FARP1: variants seen among roughly 807,000 people sequenced by gnomAD.
FARP1 encodes FERM, ARHGEF and pleckstrin domain-containing protein 1.
FARP1 carries 52 observed loss-of-function variants against 128.8 expected under a neutral mutation model. The ratio of observed to expected loss-of-function variants is 0.40; its 90% confidence interval spans 0.32 to 0.51. The LOEUF is 0.51. FARP1 is among the 20% of genes least tolerant of loss of function. FARP1 has a pLI of 0.45. For missense variants in FARP1, 1,333 were observed against 1,367.9 expected (o/e 0.97, Z 0.40); for synonymous variants, 580 against 551.8 (o/e 1.05, Z -0.72).
At position 98,377,574 on chromosome 13, in the gene FARP1, A is replaced by G. The variant is rs112011983; in HGVS notation, c.399-247A>G. On this transcript the variant is annotated intron_variant, in intron 5 of 26. Coordinates refer to ENST00000319562, the MANE Select transcript of FARP1 (RefSeq NM_005766.4). ...TGCTAGGTTATGGTCTCACATTTTT[A>G]TGGCTCTCTCTCCCTATGTAAAATG... 4.7e-4 allele frequency among the ~76,000 whole-genome samples: 71 copies of G among 152,294 alleles called. 1 individual carries two copies. Among genetic ancestry groups the G allele is most frequent in the African/African-American group, 1.6e-3 (65 of 41,566 alleles).
chr13:98,244,725 C>T (rs1882968522), intron 2 of FARP1: 1 of 1,607,342 alleles, frequency 6.2e-7, no homozygotes, highest in African/African-American at 1.3e-5. Context: ...GACTTGAAGT[C>T]CTGTTTCATT....
At chr13:98,213,957 G>A (rs1478132008) in intron 2 of FARP1, among the ~76,000 whole-genome samples, 1 of 152,188 alleles carries the variant, frequency 6.6e-6, no homozygotes, top group East Asian at 1.9e-4. Context: ...AGGTGTGGGA[G>A]TATCGAAAAG....
chr13:98,410,107 G>A (rs1395911962), intron 14 of FARP1, among the ~76,000 whole-genome samples: 3 of 152,272 alleles, frequency 2.0e-5, no homozygotes, highest in Admixed American at 2.0e-4. Flanking sequence ...ACACCCAGCA[G>A]TGGAGTCAGG....
chr13:98,167,720 T>G (rs1389253761), intron 1 of FARP1, among the ~76,000 whole-genome samples: 3 of 152,148 alleles, frequency 2.0e-5, no homozygotes, highest in Non-Finnish European at 4.4e-5. Flanking sequence ...GCAAACAGTT[T>G]TAAAAAATCT....
At position 98,160,671 on chromosome 13, in the gene FARP1, AT is replaced by A. The variant is rs963774181; in HGVS notation, c.-24+17189del. Among the ~76,000 whole-genome samples the A allele has an allele frequency of 5.3e-5, 8 of 151,742 alleles. No homozygotes were observed. The East Asian group carries it at 7.7e-4, about 15-fold the overall frequency. On this transcript the variant is annotated intron_variant, in intron 1 of 26. Coordinates refer to ENST00000319562, the MANE Select transcript of FARP1 (RefSeq NM_005766.4). ...ATTTTTAAAAATTTTTTTAATTTAA[AT>A]TTTTTTTTTGAGACTGAGTCTTGCT...
chr13:98,161,174 G>A (rs1039229563), intron 1 of FARP1, among the ~76,000 whole-genome samples: 9 of 148,088 alleles, frequency 6.1e-5, no homozygotes, highest in Non-Finnish European at 1.3e-4. Flanking sequence ...TTATACATAC[G>A]TTTTGTGAAT....
At chr13:98,426,607 TCTCTCTTAACAAAGACCAC>T (rs1891797998) in intron 17 of FARP1, among the ~76,000 whole-genome samples, 2 of 152,188 alleles carry the variant, frequency 1.3e-5, no homozygotes, top group Admixed American at 6.5e-5. Flanking sequence ...TTCCTGTCAA[TCTCTCTTAACAAAGACCAC>T]GGTAACATTG....
intron 2 of FARP1, among the ~76,000 whole-genome samples, chr13:98,272,372 C>G (rs1298134550): frequency 1.3e-5 from 2 of 152,050 alleles, no homozygotes; most frequent in Admixed American, 1.3e-4. Context: ...CCCTTTTGCA[C>G]GCTAATGGAA....
Position 98,440,743 on chromosome 13 carries a change from G to A in FARP1, c.2703G>A (p.Glu901=). The change falls in exon 24 of 27, where the codon GAG becomes GAA. Residue 901 remains glutamate, a synonymous_variant. Transcript: ENST00000319562. ...DDLSASRTSL[E]RQAPHRGNTM... ...TGAGCGCCTCGCGCACATCGCTGGAGCGCCAGGCCCCGCACCGCGGCAACA... is the reference window on the plus strand; with the variant it reads ...TGAGCGCCTCGCGCACATCGCTGGAACGCCAGGCCCCGCACCGCGGCAACA... 6.2e-7 allele frequency: 1 copy of A among 1,613,498 alleles called. No individual in the cohort carries two copies. Among genetic ancestry groups the A allele is most frequent in the South Asian group, 1.1e-5 (1 of 91,078 alleles).
chr13:98,201,192 C>T lies in FARP1; in HGVS notation c.-23-12028C>T, dbSNP rs185978617. On this transcript the variant is annotated intron_variant, in intron 1 of 26. Transcript: ENST00000319562. Reference sequence around the variant, plus strand: ...GCACAGTGGTTCATGCCTGTACTCCCAGCACTTCGGGAGGCCAAGGTGAGC... The same window carrying T: ...GCACAGTGGTTCATGCCTGTACTCCTAGCACTTCGGGAGGCCAAGGTGAGC... Among the ~76,000 whole-genome samples, 308 of 152,320 alleles carry T rather than the reference C, an allele frequency of 2.0e-3. 1 individual carries two copies. The highest frequency in any genetic ancestry group is 6.9e-3 in the African/African-American group (288 of 41,554).
chr13:98,348,543 C>T (rs1888274577), intron 3 of FARP1, among the ~76,000 whole-genome samples: 1 of 152,244 alleles, frequency 6.6e-6, no homozygotes, highest in South Asian at 2.1e-4. Context: ...GAGGCTGAGG[C>T]CTCATGGAGA....
chr13:98,143,879 G>A (rs1218752557), intron 1 of FARP1, among the ~76,000 whole-genome samples: 2 of 151,828 alleles, frequency 1.3e-5, no homozygotes, highest in African/African-American at 2.4e-5. Context: ...CGGACCTCGG[G>A]CCGCAATCTC....
intron 1 of FARP1, among the ~76,000 whole-genome samples, chr13:98,159,927 C>G (rs1876760980): frequency 6.6e-6 from 1 of 152,162 alleles, no homozygotes; most frequent in Non-Finnish European, 1.5e-5. Context: ...AAAATCTGGT[C>G]AATCACCAGA....
chr13:98,166,748 G>A (rs1877293787), intron 1 of FARP1, among the ~76,000 whole-genome samples: 2 of 148,986 alleles, frequency 1.3e-5, no homozygotes, highest in African/African-American at 2.5e-5. Context: ...TTTGAAACAG[G>A]GTCTCGTTCT....
rs1893274936 is a variant in FARP1 at position 98,453,115 on chromosome 13, AAGG to A, written c.*4806_*4808del. 15 of 1,599,174 alleles carry A rather than the reference AAGG, an allele frequency of 9.4e-6. No homozygotes were observed. Among genetic ancestry groups the A allele is most frequent in the Middle Eastern group, 1.8e-4 (1 of 5,674 alleles). On this transcript the variant is annotated 3_prime_UTR_variant, in exon 27 of 27. Transcript: ENST00000319562. ...CGAAGGCTCTCGTTGACTTTTAAAA[AAGG>A]AGGAGGATGAAGAAGGAAAAAAGGA...
At chr13:98,226,073 C>T (rs980041209) in intron 2 of FARP1, among the ~76,000 whole-genome samples, 2 of 152,294 alleles carry the variant, frequency 1.3e-5, no homozygotes, top group East Asian at 1.9e-4. Context: ...AGTACGAGTT[C>T]GCTAGCACTG....
At chr13:98,419,833 T>C (rs775193284) in intron 16 of FARP1, among the ~76,000 whole-genome samples, 3 of 152,136 alleles carry the variant, frequency 2.0e-5, no homozygotes, top group Non-Finnish European at 4.4e-5. Context: ...AGCTCCAAGC[T>C]GCACCGCTGG....
chr13:98,225,356 A>G (rs1403861003), intron 2 of FARP1, among the ~76,000 whole-genome samples: 1 of 152,092 alleles, frequency 6.6e-6, no homozygotes, highest in East Asian at 1.9e-4. Context: ...CGCCCACAGG[A>G]CTGAGCTGCT....
intron 1 of FARP1, among the ~76,000 whole-genome samples, chr13:98,151,552 A>G (rs9513362): frequency 0.16 from 23,932 of 151,766 alleles, 2,371 homozygotes; most frequent in Middle Eastern, 0.26. Flanking sequence ...TTTGTGAAAT[A>G]TACACTCTCT....
Sources: allele counts gnomAD v4.1 joint callset (sites outside exome capture counted in the v4.1 genomes callset), GRCh38; gene constraint gnomAD v4.1.1; transcripts MANE v1.5; gene names NCBI Gene and HGNC (gene_info 2026-07-23, HGNC 2026-07-21).